PTPRA: variants seen among roughly 807,000 people sequenced by gnomAD.
PTPRA encodes receptor-type tyrosine-protein phosphatase alpha.
In PTPRA, 25 loss-of-function variants were observed where a neutral mutation model predicts 104.8. The observed-to-expected ratio is 0.24, with a 90% CI of 0.17 to 0.33. PTPRA has a LOEUF of 0.33. Among genes scored for constraint, PTPRA ranks in the 10% least tolerant of loss-of-function variants. The pLI is 1.00. For synonymous variants in PTPRA, 323 were observed against 368.9 expected, an observed-to-expected ratio of 0.88 and a Z score of 1.43; for missense variants, 765 against 1,015.3, an observed-to-expected ratio of 0.75 and a Z score of 3.35.
intron 1 of PTPRA, among the ~76,000 whole-genome samples, chr20:2,917,973 C>G (rs1600109889): frequency 6.6e-6 from 1 of 151,586 alleles, no homozygotes; most frequent in Non-Finnish European, 1.5e-5. Context: ...CCTGTAATCC[C>G]AGCTACTCTG....
At chr20:3,014,569 G>C (rs758383501) in intron 11 of PTPRA, among the ~76,000 whole-genome samples, 1 of 152,016 alleles carries the variant, frequency 6.6e-6, no homozygotes, top group Non-Finnish European at 1.5e-5. Context: ...ACTTGAACCC[G>C]GGAGCAGAAG....
chr20:2,910,919 A>AT (rs2059701251), intron 1 of PTPRA, among the ~76,000 whole-genome samples: 1 of 109,420 alleles, frequency 9.1e-6, no homozygotes, highest in Non-Finnish European at 2.0e-5. Flanking sequence ...TTTTATTTTA[A>AT]CTTTTTTTTT....
chr20:2,942,550 A>G (rs1259123738), intron 2 of PTPRA, among the ~76,000 whole-genome samples: 1 of 151,952 alleles, frequency 6.6e-6, no homozygotes, highest in African/African-American at 2.4e-5. Flanking sequence ...TAGTTAATAT[A>G]TTCTTTGCTT....
At chr20:3,016,502 C>T (rs943072961) in intron 12 of PTPRA, among the ~76,000 whole-genome samples, 4 of 152,202 alleles carry the variant, frequency 2.6e-5, no homozygotes, top group Admixed American at 2.6e-4. Context: ...AATCCTAACA[C>T]TTTGGGAGGC....
Position 3,026,774 on chromosome 20 carries a change from A to G in PTPRA, c.1702A>G (p.Ile568Val), listed in dbSNP as rs1310867406. The part of the protein sequence containing the change: ...NMKKNRVLQI[I>V]PYEFNRVIIP... ...GAAGAAGAACCGTGTTTTACAGATC[A>G]TTCCATGTAAGAGCCCTCCCGCCAC... Residue 568 changes from isoleucine to valine, a missense_variant, in exon 18 of 24, where the codon ATT becomes GTT. Physicochemically the swap from Ile to Val is conservative, Grantham distance 29. Coordinates refer to ENST00000399903, the MANE Select transcript of PTPRA (RefSeq NM_001385305.1). 2 of 1,606,894 alleles carry G rather than the reference A, an allele frequency of 1.2e-6. No homozygotes were observed. The highest frequency in any genetic ancestry group is 4.5e-5 in the East Asian group (2 of 44,852).
chr20:2,988,222 A>G, intron 8 of PTPRA, 116 bp from the exon 9 acceptor site: 1 of 1,526,664 alleles, frequency 6.6e-7, no homozygotes, highest in Non-Finnish European at 8.9e-7. Context: ...AGATTTTTGA[A>G]GAAAACAGTC....
chr20:2,996,618 T>C (rs557223211), intron 9 of PTPRA, among the ~76,000 whole-genome samples: 1 of 152,300 alleles, frequency 6.6e-6, no homozygotes, highest in Admixed American at 6.5e-5. Flanking sequence ...ACAAAGAATG[T>C]TCCAGAATAT....
rs371022515 is a variant in PTPRA at position 2,905,810 on chromosome 20, G to A, written c.-128-17397G>A. The stretch of plus-strand genomic sequence containing the variant: ...AATGATTCTCCTGTCTCAGCCTGCC[G>A]AATAGCTGGGATTACAGGCATGCGC... On this transcript the variant is annotated intron_variant, in intron 1 of 23. Coordinates refer to ENST00000399903, the MANE Select transcript of PTPRA (RefSeq NM_001385305.1). Among the ~76,000 whole-genome samples the A allele has an allele frequency of 2.0e-4, 29 of 147,406 alleles. No homozygotes were observed. In the East Asian group the frequency reaches 5.0e-3, roughly 26 times the overall value.
intron 1 of PTPRA, among the ~76,000 whole-genome samples, chr20:2,893,870 T>G (rs2058891801): frequency 1.3e-5 from 2 of 151,684 alleles, no homozygotes; most frequent in Non-Finnish European, 2.9e-5. Context: ...AAGATTTTGA[T>G]ATATATATAT....
At chr20:2,895,742 C>T (rs1174643543) in intron 1 of PTPRA, among the ~76,000 whole-genome samples, 1 of 152,032 alleles carries the variant, frequency 6.6e-6, no homozygotes, top group Non-Finnish European at 1.5e-5. Context: ...CTTGGCCAGG[C>T]TGTTCTCGAA....
chr20:2,951,276 A>G (rs778000414), intron 3 of PTPRA, among the ~76,000 whole-genome samples: 10 of 151,808 alleles, frequency 6.6e-5, no homozygotes, highest in Non-Finnish European at 1.3e-4. Flanking sequence ...TAGTTTTTGT[A>G]TTTTTAGTAG....
chr20:2,868,236 C>T, the PTPRA span, among the ~76,000 whole-genome samples: 1 of 151,024 alleles, frequency 6.6e-6, no homozygotes, highest in Non-Finnish European at 1.5e-5. Flanking sequence ...CGTGGTGTCA[C>T]ATCTGCTAGA....
At chr20:2,982,585 A>G (rs1169608261) in intron 6 of PTPRA, among the ~76,000 whole-genome samples, 1 of 152,156 alleles carries the variant, frequency 6.6e-6, no homozygotes, top group Admixed American at 6.6e-5. Flanking sequence ...GCTATAAAGG[A>G]GGGATATTCA....
upstream of PTPRA, among the ~76,000 whole-genome samples, chr20:2,871,065 G>C (rs1163704814): frequency 6.6e-6 from 1 of 152,156 alleles, no homozygotes; most frequent in Non-Finnish European, 1.5e-5. Flanking sequence ...TCTTCCAATG[G>C]AAACAGCATC....
chr20:2,939,836 G>A (rs1056945644), intron 2 of PTPRA, among the ~76,000 whole-genome samples: 1 of 152,188 alleles, frequency 6.6e-6, no homozygotes, highest in Non-Finnish European at 1.5e-5. Context: ...GCTGGGCGCG[G>A]TGGCTGACGC....
chr20:3,021,876 T>C (rs2064887672), intron 14 of PTPRA, among the ~76,000 whole-genome samples, 178 bp from the exon 15 acceptor site: 1 of 152,204 alleles, frequency 6.6e-6, no homozygotes. Flanking sequence ...GAGCACTGCA[T>C]TTTAGTTCTG....
intron 2 of PTPRA, among the ~76,000 whole-genome samples, chr20:2,931,639 A>G (rs544441491): frequency 6.6e-6 from 1 of 152,274 alleles, no homozygotes; most frequent in East Asian, 1.9e-4. Context: ...CTTCTCTGTC[A>G]TGACACCTGG....
intron 1 of PTPRA, among the ~76,000 whole-genome samples, chr20:2,921,114 G>C (rs1444553827): frequency 6.6e-6 from 1 of 152,140 alleles, no homozygotes; most frequent in Non-Finnish European, 1.5e-5. Context: ...TGCTTTGCTT[G>C]CCCGGTTACT....
chr20:2,962,876 C>T (rs999728876), intron 3 of PTPRA, among the ~76,000 whole-genome samples: 3 of 152,142 alleles, frequency 2.0e-5, no homozygotes, highest in Non-Finnish European at 4.4e-5. Context: ...TCTCTTCCCC[C>T]CCTACCCTTG....
Sources: allele counts gnomAD v4.1 joint callset (sites outside exome capture counted in the v4.1 genomes callset), GRCh38; gene constraint gnomAD v4.1.1; transcripts MANE v1.5; gene names NCBI Gene and HGNC (gene_info 2026-07-23, HGNC 2026-07-21).